The following GUCY1A2 variants were observed in gnomAD, a reference collection of about 807,000 sequenced individuals.
GUCY1A2 encodes the protein guanylate cyclase soluble subunit alpha-2.
Under a neutral mutation model 63.5 loss-of-function variants are expected in GUCY1A2, and 27 were observed. That is an observed-to-expected ratio of 0.43 (90% CI 0.31 to 0.59). GUCY1A2 has a LOEUF of 0.59. Among genes scored for constraint, GUCY1A2 ranks in the 20% least tolerant of loss-of-function variants. The probability of loss-of-function intolerance (pLI) is 0.11; values close to 1 mark genes in which losing one functional copy is unlikely to be tolerated. For missense variants in GUCY1A2, 768 were observed against 913.3 expected, an observed-to-expected ratio of 0.84 and a Z score of 2.05; for synonymous variants, 364 against 343.5, an observed-to-expected ratio of 1.06 and a Z score of -0.66.
chr11:106,892,897 A>G (rs1447801233), intron 4 of GUCY1A2, among the ~76,000 whole-genome samples: 1 of 152,186 alleles, frequency 6.6e-6, no homozygotes, highest in Non-Finnish European at 1.5e-5. Flanking sequence ...CTGAAAAGTA[A>G]TTATTCCTAG....
chr11:106,875,725 T>C (rs1859739776), intron 4 of GUCY1A2, among the ~76,000 whole-genome samples: 1 of 152,024 alleles, frequency 6.6e-6, no homozygotes, highest in African/African-American at 2.4e-5. Context: ...TGACCATCAA[T>C]TAGAGTTGGA....
At chr11:106,709,616 T>TAC (rs1210482386) in intron 6 of GUCY1A2, among the ~76,000 whole-genome samples, 1 of 88,938 alleles carries the variant, frequency 1.1e-5, no homozygotes, top group Non-Finnish European at 2.2e-5. Flanking sequence ...ATATATTATA[T>TAC]ACGTGTATAT....
At chr11:106,964,138 A>T (rs111930743) in intron 3 of GUCY1A2, among the ~76,000 whole-genome samples, 3,508 of 152,238 alleles carry the variant, frequency 0.023, 58 homozygotes, top group Non-Finnish European at 0.036. Flanking sequence ...CTTGTATAAA[A>T]ATGTACACTT....
rs1453522867 is a variant in GUCY1A2 at position 106,686,666 on chromosome 11, T to C, written c.*883A>G. The stretch of plus-strand genomic sequence containing the variant: ...AAGTGCTAAGTTGAAAAGGATCCAG[T>C]GTAGCAAAGCATTTCATTTTAACTG... On this transcript the variant is annotated 3_prime_UTR_variant, in exon 8 of 8. Coordinates refer to ENST00000526355, the MANE Select transcript of GUCY1A2 (RefSeq NM_000855.3). The C allele has an allele frequency of 4.7e-6, 1 of 214,374 alleles. No individual in the cohort carries two copies. Among genetic ancestry groups the C allele is most frequent in the Non-Finnish European group, 9.4e-6 (1 of 106,184 alleles). The allele number at this position is 214,374 out of a possible 1,614,324, so 13.3% of individuals were successfully genotyped here.
Position 107,008,950 on chromosome 11 carries a change from A to G in GUCY1A2, c.303+8803T>C, listed in dbSNP as rs367980532. On this transcript the variant is annotated intron_variant, in intron 1 of 7. Transcript: ENST00000526355. ...ATTGGCCACAGTAGACTCACGCATA[A>G]CAAATATTATACAGTGAAAGGAAAA... Among the ~76,000 whole-genome samples, 45 of 152,370 alleles carry G rather than the reference A, an allele frequency of 3.0e-4. No homozygotes were observed. In the East Asian group the frequency reaches 4.8e-3, roughly 16 times the overall value.
chr11:106,737,427 C>T (rs191447014), intron 6 of GUCY1A2, among the ~76,000 whole-genome samples: 7 of 152,216 alleles, frequency 4.6e-5, no homozygotes, highest in Admixed American at 1.3e-4. Context: ...ACTTTAAGTG[C>T]TGGGGTACAT....
intron 4 of GUCY1A2, among the ~76,000 whole-genome samples, chr11:106,901,445 T>C (rs1860131374): frequency 6.6e-6 from 1 of 152,318 alleles, no homozygotes; most frequent in East Asian, 1.9e-4. Flanking sequence ...GAATCGTCAA[T>C]GTTCTTAATG....
intron 6 of GUCY1A2, chr11:106,746,676 C>A: frequency 8.0e-7 from 1 of 1,246,840 alleles, no homozygotes; most frequent in South Asian, 1.2e-5. Flanking sequence ...CCAAGTGAAT[C>A]AAGGGACAAA....
chr11:106,842,507 A>G (rs1197114629), intron 4 of GUCY1A2, among the ~76,000 whole-genome samples: 8 of 152,020 alleles, frequency 5.3e-5, no homozygotes, highest in Non-Finnish European at 1.0e-4. Flanking sequence ...TAAGACTAAA[A>G]ATGGCATTAG....
chr11:106,796,922 T>G (rs1451389848), intron 5 of GUCY1A2, among the ~76,000 whole-genome samples: 4 of 152,326 alleles, frequency 2.6e-5, no homozygotes, highest in African/African-American at 7.2e-5. Flanking sequence ...CAATCAGACG[T>G]AGATTTGGTC....
intron 5 of GUCY1A2, among the ~76,000 whole-genome samples, chr11:106,795,977 T>C (rs570906353): frequency 9.6e-4 from 146 of 152,352 alleles, no homozygotes; most frequent in African/African-American, 3.0e-3. Context: ...ACTTGCTTTA[T>C]GAATCTGGGT....
intron 5 of GUCY1A2, among the ~76,000 whole-genome samples, chr11:106,798,230 T>C (rs1864803919): frequency 6.6e-6 from 1 of 152,142 alleles, no homozygotes; most frequent in African/African-American, 2.4e-5. Flanking sequence ...GTTGAATCCC[T>C]GAATAGACCC....
chr11:106,970,340 T>C (rs1861178124), intron 3 of GUCY1A2, among the ~76,000 whole-genome samples: 1 of 152,206 alleles, frequency 6.6e-6, no homozygotes, highest in African/African-American at 2.4e-5. Context: ...AGAAAGAGTC[T>C]ACCTATTACA....
At chr11:106,765,084 C>T (rs1418219579) in intron 6 of GUCY1A2, among the ~76,000 whole-genome samples, 2 of 151,600 alleles carry the variant, frequency 1.3e-5, no homozygotes, top group Non-Finnish European at 2.9e-5. Flanking sequence ...ATATTTTTAA[C>T]CCCAATGTCT....
At chr11:106,765,426 T>C (rs1346933783) in intron 6 of GUCY1A2, among the ~76,000 whole-genome samples, 1 of 152,146 alleles carries the variant, frequency 6.6e-6, no homozygotes, top group East Asian at 1.9e-4. Flanking sequence ...TTCTAGTTGT[T>C]GGTTCCATAG....
chr11:106,733,641 G>A (rs182934699), intron 6 of GUCY1A2, among the ~76,000 whole-genome samples: 141 of 152,294 alleles, frequency 9.3e-4, no homozygotes, highest in East Asian at 5.0e-3. Flanking sequence ...ACAGAGATAC[G>A]GAGCAGACAC....
chr11:106,829,972 C>T (rs1318197024), intron 4 of GUCY1A2, among the ~76,000 whole-genome samples: 1 of 152,138 alleles, frequency 6.6e-6, no homozygotes, highest in Non-Finnish European at 1.5e-5. Flanking sequence ...AAAGGGAATA[C>T]AGAATGGGTA....
chr11:106,907,062 T>C (rs184474058), intron 4 of GUCY1A2, among the ~76,000 whole-genome samples: 159 of 152,210 alleles, frequency 1.0e-3, no homozygotes, highest in Admixed American at 3.7e-3. Context: ...TCTGCACATG[T>C]ACCCCAGAAC....
intron 5 of GUCY1A2, among the ~76,000 whole-genome samples, chr11:106,789,064 T>C (rs1864614302): frequency 1.3e-5 from 2 of 152,170 alleles, no homozygotes; most frequent in Admixed American, 1.3e-4. Flanking sequence ...TGGTGTCTTC[T>C]TCAAAACATG....
Sources: gnomAD v4.1 joint callset for allele counts (sites outside exome capture counted in the v4.1 genomes callset) on GRCh38, gnomAD v4.1.1 for gene constraint, MANE v1.5 for transcripts, NCBI Gene and HGNC (gene_info 2026-07-23, HGNC 2026-07-21) for gene names.